The following RANBP2 variants were observed in gnomAD, a reference collection of about 807,000 sequenced individuals.
RANBP2 encodes E3 SUMO-protein ligase RanBP2.
RANBP2 carries 57 observed loss-of-function variants against 303.6 expected under a neutral mutation model. The ratio of observed to expected loss-of-function variants is 0.19; its 90% CI spans 0.15 to 0.23. The LOEUF is 0.23. RANBP2 is among the 10% of genes least tolerant of loss of function. The pLI is 1.00. For synonymous variants in RANBP2, 1,167 were observed against 1,301.5 expected (o/e 0.90, Z 2.23); for missense variants, 3,138 against 3,780.8 (o/e 0.83, Z 4.46).
the RANBP2 span, among the ~76,000 whole-genome samples, chr2:109,710,377 A>T: frequency 3.1e-5 from 1 of 32,712 alleles, no homozygotes; most frequent in Non-Finnish European, 7.6e-5. Context: ...GCGAGATTCT[A>T]TCTCAAAAAA....
the RANBP2 span, among the ~76,000 whole-genome samples, chr2:109,033,367 G>T: frequency 3.5e-3 from 526 of 152,278 alleles, 2 homozygotes; most frequent in African/African-American, 0.012. Flanking sequence ...AGGTGGTGTT[G>T]CCGAAACACC....
chr2:108,792,124 G>C, the RANBP2 span, among the ~76,000 whole-genome samples: 1 of 152,124 alleles, frequency 6.6e-6, no homozygotes, highest in African/African-American at 2.4e-5. Context: ...GGATTTCTGG[G>C]CACTGAACTG....
chr2:109,571,120 A>G, the RANBP2 span, among the ~76,000 whole-genome samples: 5 of 152,128 alleles, frequency 3.3e-5, no homozygotes, highest in East Asian at 1.9e-4. Flanking sequence ...CTCAGGTCAT[A>G]TAAGACATGC....
the RANBP2 span, among the ~76,000 whole-genome samples, chr2:109,664,895 A>T: frequency 6.6e-6 from 1 of 151,464 alleles, no homozygotes; most frequent in Non-Finnish European, 1.5e-5. Flanking sequence ...ACGCTATTCC[A>T]CTCCAGACTG....
the RANBP2 span, among the ~76,000 whole-genome samples, chr2:109,408,841 C>A: frequency 6.6e-6 from 1 of 152,204 alleles, no homozygotes; most frequent in Non-Finnish European, 1.5e-5. Context: ...AGCCTCTGGC[C>A]TGATGGGTGC....
At chr2:108,854,008 A>G in the RANBP2 span, among the ~76,000 whole-genome samples, 1 of 99,644 alleles carries the variant, frequency 1.0e-5, no homozygotes, top group African/African-American at 4.0e-5. Context: ...TATATTATAT[A>G]TAATATATAA....
chr2:109,370,407 T>C, the RANBP2 span, among the ~76,000 whole-genome samples: 1 of 152,030 alleles, frequency 6.6e-6, no homozygotes, highest in Non-Finnish European at 1.5e-5. Context: ...GCCCGGCTTA[T>C]TTTTGTCTTT....
chr2:109,151,949 A>T, the RANBP2 span, among the ~76,000 whole-genome samples: 71 of 152,366 alleles, frequency 4.7e-4, no homozygotes, highest in African/African-American at 1.3e-3. Context: ...GGCTTATAAA[A>T]TGCATGCTGA....
the RANBP2 span, among the ~76,000 whole-genome samples, chr2:108,999,075 G>T: frequency 6.6e-6 from 1 of 152,244 alleles, no homozygotes; most frequent in Non-Finnish European, 1.5e-5. Flanking sequence ...TGACTATAGA[G>T]TTTAAAATTC....
the RANBP2 span, among the ~76,000 whole-genome samples, chr2:109,064,221 G>A: frequency 6.6e-6 from 1 of 152,070 alleles, no homozygotes; most frequent in Admixed American, 6.5e-5. Context: ...TGTAATCCCA[G>A]CACTTTGGGA....
At chr2:108,741,175 A>C (rs1184890062) in intron 7 of RANBP2, among the ~76,000 whole-genome samples, 1 of 152,056 alleles carries the variant, frequency 6.6e-6, no homozygotes, top group African/African-American at 2.4e-5. Flanking sequence ...TAATCTTTGA[A>C]AACATAAAAC....
At chr2:109,237,418 TGGA>T in the RANBP2 span, among the ~76,000 whole-genome samples, 1 of 152,174 alleles carries the variant, frequency 6.6e-6, no homozygotes, top group African/African-American at 2.4e-5. Context: ...AACAAGTCTA[TGGA>T]GAAGGTTGGT....
At chr2:109,536,837 C>T in the RANBP2 span, among the ~76,000 whole-genome samples, 4,142 of 152,222 alleles carry the variant, frequency 0.027, 211 homozygotes, top group African/African-American at 0.093. Flanking sequence ...ATAAGTGTCA[C>T]GAGATCTGAT....
chr2:109,483,051 C>T, the RANBP2 span, among the ~76,000 whole-genome samples: 461 of 152,196 alleles, frequency 3.0e-3, 7 homozygotes, highest in African/African-American at 0.011. Context: ...TCTTCTATTC[C>T]TCTGCCCTCT....
At chr2:109,361,605 C>T in the RANBP2 span, among the ~76,000 whole-genome samples, 3 of 152,180 alleles carry the variant, frequency 2.0e-5, no homozygotes, top group African/African-American at 7.2e-5. Context: ...TCCCAAGTAG[C>T]TGGGACTACA....
At chr2:109,463,859 T>C in the RANBP2 span, among the ~76,000 whole-genome samples, 1 of 152,168 alleles carries the variant, frequency 6.6e-6, no homozygotes, top group Non-Finnish European at 1.5e-5. Context: ...ACTGATTCCC[T>C]CAGCTGGGCT....
At chr2:108,762,296 T>C (rs1676786703) in intron 19 of RANBP2, 101 bp downstream of exon 19, 2 of 1,168,798 alleles carry the variant, frequency 1.7e-6, no homozygotes, top group Non-Finnish European at 2.3e-6. Context: ...TTAAAACTTT[T>C]ATGTCCCTTA....
Position 108,783,593 on chromosome 2 carries a change from C to T in RANBP2, c.9370-3C>T, listed in dbSNP as rs74532818. ...ACTTTTTTATTATAAATCTTTTTTT[C>T]AGGGAGGAGATATCACCAAACATGA... On this transcript the variant is annotated splice_polypyrimidine_tract_variant and splice_region_variant and intron_variant, in intron 28 of 28. Coordinates refer to ENST00000283195, the MANE Select transcript of RANBP2 (RefSeq NM_006267.5). 1.9e-6 allele frequency: 3 copies of T among 1,594,964 alleles called. No individual in the cohort carries two copies. The East Asian group carries it at 6.7e-5, about 36-fold the overall frequency.
At chr2:109,354,669 G>GACT in the RANBP2 span, among the ~76,000 whole-genome samples, 380 of 152,362 alleles carry the variant, frequency 2.5e-3, 1 homozygote, top group African/African-American at 8.2e-3. Flanking sequence ...TCAAAGGGCA[G>GACT]TGTGCTCCGC....
Sources: gnomAD v4.1 joint callset for allele counts (sites outside exome capture counted in the v4.1 genomes callset) on GRCh38, gnomAD v4.1.1 for gene constraint, MANE v1.5 for transcripts, NCBI Gene and HGNC (gene_info 2026-07-23, HGNC 2026-07-21) for gene names.